The following GASK1A variants were observed in gnomAD, a reference collection of about 807,000 sequenced individuals.
The protein encoded by GASK1A is golgi associated kinase 1A, also known as Golgi-associated kinase 1A.
GASK1A carries 40 observed loss-of-function variants against 41.2 expected under a neutral mutation model. The observed-to-expected ratio is 0.97, with a 90% CI of 0.75 to 1.27. GASK1A has a LOEUF of 1.27. Ranked by LOEUF, GASK1A falls within the 50% of genes most tolerant of loss-of-function variation. The pLI is 0.00. For missense variants in GASK1A, 678 were observed against 745.1 expected, an observed-to-expected ratio of 0.91 and a Z score of 1.05; for synonymous variants, 316 against 307.1, an observed-to-expected ratio of 1.03 and a Z score of -0.30.
In GASK1A at chr3:43,053,911, C is replaced by T. The variant is rs1004485947; in HGVS notation, c.1413+268C>T. Reference sequence around the variant, plus strand: ...CACTGTCTCCACTGCCCCTAAGAGACTCCAGGGAACAACTAGGGCTCCTGG... The same window carrying T: ...CACTGTCTCCACTGCCCCTAAGAGATTCCAGGGAACAACTAGGGCTCCTGG... On this transcript the variant is annotated intron_variant, in intron 3 of 4. Coordinates refer to ENST00000430121, the MANE Select transcript of GASK1A (RefSeq NM_001129908.3). 9.6e-6 allele frequency: 5 copies of T among 520,408 alleles called. No individual in the cohort carries two copies. In the East Asian group the frequency reaches 1.5e-4, roughly 16 times the overall value. The allele number at this position is 520,408 out of a possible 1,614,324, so 32.2% of individuals were successfully genotyped here.
intron 2 of GASK1A, among the ~76,000 whole-genome samples, chr3:43,052,317 T>G (rs1165469224): frequency 6.6e-6 from 1 of 152,212 alleles, no homozygotes; most frequent in Non-Finnish European, 1.5e-5. Context: ...AGAGAACTTG[T>G]GGAAGGGCAC....
chr3:43,029,308 C>A (rs2089562945), intron 1 of GASK1A, among the ~76,000 whole-genome samples: 1 of 152,028 alleles, frequency 6.6e-6, no homozygotes, highest in Non-Finnish European at 1.5e-5. Context: ...GGGCAGAAAA[C>A]CCTCATTTCA....
At position 43,053,662 on chromosome 3, in the gene GASK1A, A is replaced by T; in HGVS notation, c.1413+19A>T. On this transcript the variant is annotated intron_variant, in intron 3 of 4. Transcript: ENST00000430121. The stretch of plus-strand genomic sequence containing the variant: ...CATCCTGGTACGTCTCCTCCACACC[A>T]TCCCCTTGTCACCCCAGACCCAGGT... 6.4e-7 allele frequency: 1 copy of T among 1,551,624 alleles called. No homozygotes were observed. Among genetic ancestry groups the T allele is most frequent in the Non-Finnish European group, 8.7e-7 (1 of 1,146,944 alleles).
intron 1 of GASK1A, among the ~76,000 whole-genome samples, chr3:43,028,702 A>T (rs547055540): frequency 6.6e-6 from 1 of 152,324 alleles, no homozygotes; most frequent in Non-Finnish European, 1.5e-5. Flanking sequence ...GAGATTCCAG[A>T]TGCAGTCCAG....
At chr3:43,029,037 G>T (rs1037728473) in intron 1 of GASK1A, among the ~76,000 whole-genome samples, 4 of 152,124 alleles carry the variant, frequency 2.6e-5, no homozygotes, top group Admixed American at 6.5e-5. Flanking sequence ...ATTTTAGCAC[G>T]TGGGTGCCAG....
rs1013532096 is a variant in GASK1A, at chr3:43,033,328, C to A, written c.1065C>A (p.Leu355=). 1 of 1,551,292 alleles carries A rather than the reference C, an allele frequency of 6.4e-7. No individual in the cohort carries two copies. The highest frequency in any genetic ancestry group is 8.7e-7 in the Non-Finnish European group (1 of 1,146,794). Reference sequence around the variant, plus strand: ...TGGCCCGCCGCTTCCATAGCCCCCTCCTGCCCTACCGATACACAGACGGTG... The same window carrying A: ...TGGCCCGCCGCTTCCATAGCCCCCTACTGCCCTACCGATACACAGACGGTG... ...PAVARRFHSP[L]LPYRYTDGGA... Residue 355 remains leucine (L), a synonymous_variant, in exon 2 of 5, where the codon CTC becomes CTA. Transcript: ENST00000430121.
rs541570956 is a variant in GASK1A at position 43,056,376 on chromosome 3, A to G, written c.1718A>G (p.Glu573Gly). The change falls in exon 5 of 5, where the codon GAG becomes GGG. Residue 573 changes from glutamate (E) to glycine (G), a missense_variant. Transcript: ENST00000430121. ...CACAACCTCACACTCTTCAGGGACGAGGACCCATAAGCCGCACACAGCCCT... is the reference window on the plus strand; with the variant it reads ...CACAACCTCACACTCTTCAGGGACGGGGACCCATAAGCCGCACACAGCCCT... ...QKHNLTLFRD[E>G]DP The G allele has an allele frequency of 1.3e-6, 2 of 1,545,132 alleles. No homozygotes were observed. The highest frequency in any genetic ancestry group is 2.7e-5 in the African/African-American group (2 of 73,002).
intron 1 of GASK1A, among the ~76,000 whole-genome samples, chr3:42,980,654 G>T (rs533979077): frequency 7.8e-4 from 119 of 152,112 alleles, no homozygotes; most frequent in Admixed American, 1.3e-3. Context: ...GGGGGGCCTG[G>T]CAGGTGGCTG....
intron 2 of GASK1A, among the ~76,000 whole-genome samples, chr3:43,035,759 A>G (rs897825209): frequency 1.2e-4 from 19 of 152,236 alleles, no homozygotes; most frequent in African/African-American, 4.1e-4. Flanking sequence ...AGAAGCAGGT[A>G]CCATCCCACT....
intron 1 of GASK1A, among the ~76,000 whole-genome samples, chr3:43,030,073 T>A (rs186353867): frequency 6.6e-6 from 1 of 152,344 alleles, no homozygotes; most frequent in Admixed American, 6.5e-5. Context: ...TTTGGCTCAC[T>A]GCAACCTCCA....
In GASK1A at chr3:43,032,821, AGCTACTTCTGG is replaced by A; in HGVS notation, c.562_572del (p.Thr188AspfsTer16). The A allele has an allele frequency of 6.5e-7, 1 of 1,548,856 alleles. No individual in the cohort carries two copies. Among genetic ancestry groups the A allele is most frequent in the Non-Finnish European group, 8.7e-7 (1 of 1,146,908 alleles). On this transcript the variant is annotated frameshift_variant, in exon 2 of 5. Transcript: ENST00000430121. LOFTEE classifies it high-confidence loss of function. The stretch of plus-strand genomic sequence containing the variant: ...ACATGGCAGCTTTACCGGCTTGGAG[AGCTACTTCTGG>A]GCTGACACTCTGGCCCCATACAGCA...
chr3:43,056,410 G>A lies in GASK1A; in HGVS notation c.*24G>A, dbSNP rs901717753. 2 of 1,497,742 alleles carry A rather than the reference G, an allele frequency of 1.3e-6. No individual in the cohort carries two copies. Among genetic ancestry groups the A allele is most frequent in the Admixed American group, 2.3e-5 (1 of 44,304 alleles). The allele number at this position is 1,497,742 out of a possible 1,614,324, so 92.8% of individuals were successfully genotyped here. On this transcript the variant is annotated 3_prime_UTR_variant, in exon 5 of 5. Transcript: ENST00000430121. ...AAGCCGCACACAGCCCTGAGTCAAT[G>A]AGCATCCATCCTGATGGCCACATTT...
At chr3:43,005,641 C>T (rs573978482) in intron 1 of GASK1A, among the ~76,000 whole-genome samples, 17 of 152,122 alleles carry the variant, frequency 1.1e-4, no homozygotes, top group South Asian at 4.2e-4. Context: ...GACAAAGAGA[C>T]GCTGAAAGTG....
intron 2 of GASK1A, among the ~76,000 whole-genome samples, chr3:43,053,194 G>A (rs1198067452): frequency 7.2e-5 from 11 of 152,224 alleles, no homozygotes; most frequent in Non-Finnish European, 1.0e-4. Context: ...ATCTCCCTAG[G>A]TAGACAGGCA....
chr3:42,994,700 T>A (rs1374692672), intron 1 of GASK1A, among the ~76,000 whole-genome samples: 1 of 152,196 alleles, frequency 6.6e-6, no homozygotes, highest in Non-Finnish European at 1.5e-5. Flanking sequence ...TGTCTTTGAC[T>A]GAGACTTGTC....
At chr3:43,010,628 T>C (rs1256420233) in intron 1 of GASK1A, among the ~76,000 whole-genome samples, 1 of 152,228 alleles carries the variant, frequency 6.6e-6, no homozygotes, top group Non-Finnish European at 1.5e-5. Flanking sequence ...CCTTTCTTTC[T>C]TGCTTTAAAA....
At chr3:43,014,770 A>G (rs867116153) in intron 1 of GASK1A, among the ~76,000 whole-genome samples, 1 of 151,704 alleles carries the variant, frequency 6.6e-6, no homozygotes, top group Admixed American at 6.6e-5. Flanking sequence ...GCACTTTGAT[A>G]TCACAGGAAT....
chr3:43,043,528 C>T (rs1265292308), intron 2 of GASK1A, among the ~76,000 whole-genome samples: 1 of 152,214 alleles, frequency 6.6e-6, no homozygotes, highest in African/African-American at 2.4e-5. Flanking sequence ...TTATGATAAA[C>T]ATGTTCTGGG....
At chr3:42,985,828 A>G (rs1482463208) in intron 1 of GASK1A, among the ~76,000 whole-genome samples, 2 of 152,164 alleles carry the variant, frequency 1.3e-5, no homozygotes, top group African/African-American at 4.8e-5. Context: ...TAAAAAGTGA[A>G]GCAAAACACC....
Sources: allele counts gnomAD v4.1 joint callset (sites outside exome capture counted in the v4.1 genomes callset), GRCh38; gene constraint gnomAD v4.1.1; transcripts MANE v1.5; gene names NCBI Gene and HGNC (gene_info 2026-07-23, HGNC 2026-07-21).